FHIT: variants seen among roughly 807,000 people sequenced by gnomAD.
FHIT encodes bis(5'-adenosyl)-triphosphatase.
A neutral mutation model predicts 17.9 loss-of-function variants in FHIT; 19 were observed. The ratio of observed to expected loss-of-function variants is 1.06; its 90% CI spans 0.74 to 1.56. FHIT has a LOEUF of 1.56. Ranked by LOEUF, FHIT falls within the 40% of genes most tolerant of loss-of-function variation. The pLI is 0.00. For synonymous variants in FHIT, 81 were observed against 69.7 expected (o/e 1.16, Z -0.81); for missense variants, 248 against 189.2 (o/e 1.31, Z -1.82).
chr3:60,751,679 G>C (rs1333892895), intron 4 of FHIT, among the ~76,000 whole-genome samples: 1 of 152,110 alleles, frequency 6.6e-6, no homozygotes, highest in Non-Finnish European at 1.5e-5. Flanking sequence ...GGGATAAGTA[G>C]AAATCAGTAT....
At chr3:60,167,279 A>C (rs955861904) in intron 5 of FHIT, among the ~76,000 whole-genome samples, 1 of 152,250 alleles carries the variant, frequency 6.6e-6, no homozygotes, top group Non-Finnish European at 1.5e-5. Flanking sequence ...CAATAGAAGT[A>C]TGATGCTTGA....
intron 5 of FHIT, among the ~76,000 whole-genome samples, chr3:60,021,127 T>A (rs1234425854): frequency 6.6e-6 from 1 of 152,196 alleles, no homozygotes; most frequent in Non-Finnish European, 1.5e-5. Context: ...ATTAAGATAA[T>A]GATAACACTC....
intron 5 of FHIT, among the ~76,000 whole-genome samples, chr3:60,360,653 T>A (rs529988687): frequency 3.9e-5 from 6 of 152,290 alleles, no homozygotes; most frequent in Admixed American, 3.9e-4. Flanking sequence ...GGCATGCAAA[T>A]TCTTTTCTCT....
At chr3:59,816,251 A>G (rs1197482093) in intron 8 of FHIT, among the ~76,000 whole-genome samples, 1 of 152,218 alleles carries the variant, frequency 6.6e-6, no homozygotes, top group East Asian at 1.9e-4. Flanking sequence ...GGAGGATTCC[A>G]TGGAATGATA....
At chr3:60,195,349 T>C (rs375827031) in intron 5 of FHIT, among the ~76,000 whole-genome samples, 11 of 151,738 alleles carry the variant, frequency 7.2e-5, no homozygotes, top group African/African-American at 2.7e-4. Context: ...AATAATATCG[T>C]GATTTCTCAA....
At chr3:61,235,629 G>C (rs930312912) in intron 1 of FHIT, among the ~76,000 whole-genome samples, 1 of 151,992 alleles carries the variant, frequency 6.6e-6, no homozygotes, top group Non-Finnish European at 1.5e-5. Flanking sequence ...TTGAACCCAG[G>C]AGGCGGAGGT....
chr3:60,333,094 C>T (rs1345069678), intron 5 of FHIT, among the ~76,000 whole-genome samples: 4 of 152,178 alleles, frequency 2.6e-5, no homozygotes, highest in African/African-American at 7.2e-5. Flanking sequence ...GAGCCATTTA[C>T]CAGCCACGTG....
chr3:59,929,448 G>A (rs973184640), intron 7 of FHIT, among the ~76,000 whole-genome samples: 22 of 132,230 alleles, frequency 1.7e-4, no homozygotes, highest in African/African-American at 6.4e-4. Flanking sequence ...TCGGCTCACT[G>A]CAACCTCTGC....
chr3:60,103,158 C>A (rs182012281), intron 5 of FHIT, among the ~76,000 whole-genome samples: 1 of 152,126 alleles, frequency 6.6e-6, no homozygotes, highest in Non-Finnish European at 1.5e-5. Context: ...CAGTTTTACC[C>A]CCTACCACAG....
intron 8 of FHIT, among the ~76,000 whole-genome samples, chr3:59,808,845 C>G (rs1012999314): frequency 6.6e-6 from 1 of 152,160 alleles, no homozygotes; most frequent in Non-Finnish European, 1.5e-5. Context: ...TCTTCTGATA[C>G]TTCACACAAC....
chr3:59,948,300 C>T (rs1431039104), intron 7 of FHIT, among the ~76,000 whole-genome samples: 2 of 147,614 alleles, frequency 1.4e-5, no homozygotes, highest in African/African-American at 2.5e-5. Flanking sequence ...GTCAGGACAT[C>T]GAGACCATCC....
intron 7 of FHIT, among the ~76,000 whole-genome samples, chr3:59,935,319 T>C (rs1387822864): frequency 6.6e-6 from 1 of 152,168 alleles, no homozygotes; most frequent in African/African-American, 2.4e-5. Flanking sequence ...ATGTGCTTGG[T>C]AGAAAAAATT....
intron 8 of FHIT, among the ~76,000 whole-genome samples, chr3:59,757,821 G>C (rs1047128551): frequency 3.3e-5 from 5 of 152,140 alleles, no homozygotes; most frequent in African/African-American, 1.2e-4. Flanking sequence ...TTTATATAAA[G>C]TCTCAAAAGG....
intron 5 of FHIT, among the ~76,000 whole-genome samples, chr3:60,462,665 G>A (rs924771651): frequency 3.3e-5 from 5 of 152,116 alleles, no homozygotes; most frequent in Admixed American, 2.0e-4. Context: ...CTAGAATTCA[G>A]CCCATCAGGA....
chr3:61,109,769 CA>C (rs1239973649), intron 2 of FHIT, among the ~76,000 whole-genome samples: 3 of 152,186 alleles, frequency 2.0e-5, no homozygotes, highest in Non-Finnish European at 2.9e-5. Flanking sequence ...GTCTTTCACA[CA>C]AACACATACC....
intron 7 of FHIT, among the ~76,000 whole-genome samples, chr3:59,959,196 A>T (rs1707548724): frequency 1.3e-5 from 2 of 152,180 alleles, no homozygotes; most frequent in African/African-American, 4.8e-5. Context: ...GAGAGTGATG[A>T]CAATCATCAT....
intron 2 of FHIT, among the ~76,000 whole-genome samples, chr3:61,112,277 T>C (rs2036181997): frequency 6.7e-6 from 1 of 149,952 alleles, no homozygotes; most frequent in Non-Finnish European, 1.5e-5. Flanking sequence ...TTTTTTTTTT[T>C]CTAAAATGAA....
At chr3:60,276,128 T>C (rs1707119793) in intron 5 of FHIT, among the ~76,000 whole-genome samples, 2 of 151,960 alleles carry the variant, frequency 1.3e-5, no homozygotes, top group Admixed American at 1.3e-4. Context: ...GCCGGGACTA[T>C]AGATACCCGC....
chr3:60,873,746 A>G (rs1415907944), intron 3 of FHIT, among the ~76,000 whole-genome samples: 1 of 152,206 alleles, frequency 6.6e-6, no homozygotes, highest in Non-Finnish European at 1.5e-5. Context: ...TCTAAGTAGT[A>G]ATCTTATAAT....
Sources: gnomAD v4.1 joint callset for allele counts (sites outside exome capture counted in the v4.1 genomes callset) on GRCh38, gnomAD v4.1.1 for gene constraint, MANE v1.5 for transcripts, NCBI Gene and HGNC (gene_info 2026-07-23, HGNC 2026-07-21) for gene names.